ELOA2: variants seen among roughly 807,000 people sequenced by gnomAD.
ELOA2 encodes elongin A2, also known as elongin-A2.
For synonymous variants in ELOA2, 497 were observed against 398.8 expected (o/e 1.25, Z -2.94); for missense variants, 1,271 against 979.7 (o/e 1.30, Z -3.97).
chr18:47,035,385 A>T lies in ELOA2; in HGVS notation c.-121T>A. The T allele has an allele frequency of 1.3e-6, 2 of 1,536,696 alleles. No individual in the cohort carries two copies. Among genetic ancestry groups the T allele is most frequent in the African/African-American group, 1.4e-5 (1 of 72,722 alleles). ...CCGGTCGCCAGGCAGCGACCTCGGG[A>T]TGTGGAGTCACAGCCTGGAGCGAGC... On this transcript the variant is annotated 5_prime_UTR_variant, in exon 1 of 1. Coordinates refer to ENST00000332567, the MANE Select transcript of ELOA2 (RefSeq NM_016427.3).
rs202180726 is a variant in ELOA2, at chr18:47,034,747, G to A, written c.518C>T (p.Thr173Met). 6.2e-7 allele frequency: 1 copy of A among 1,612,818 alleles called. No individual in the cohort carries two copies. Among genetic ancestry groups the A allele is most frequent in the East Asian group, 2.2e-5 (1 of 44,862 alleles). The change falls in exon 1 of 1, where the codon ACG becomes ATG. Residue 173 changes from threonine to methionine, a missense_variant. Physicochemically the swap from Thr to Met is moderately conservative, Grantham distance 81. Transcript: ENST00000332567. ...GGGCATCCGGAGGGGAGCTGTGCGC[G>A]TTGGAGAGGCCCGATAGCGGCCGGA... Reference protein sequence around the residue: ...ADSGRYRASPTRTAPLRMPEG... With the variant: ...ADSGRYRASPMRTAPLRMPEG...
chr18:47,034,293 G>C lies in ELOA2; in HGVS notation c.972C>G (p.Asp324Glu), dbSNP rs1343862628. Residue 324 changes from aspartate to glutamate, a missense_variant, in exon 1 of 1, where the codon GAC becomes GAG. By Grantham distance (45) the Asp-to-Glu change is conservative. Transcript: ENST00000332567. The part of the protein sequence containing the change: ...NKKRPSLDGR[D>E]PGNGTHGLSP... ...ACAGGCCGTGTGTCCCATTTCCTGG[G>C]TCCCGGCCGTCTAGACTGGGCCTCT... is the stretch of plus-strand genomic sequence containing the variant. The C allele has an allele frequency of 6.2e-7, 1 of 1,613,610 alleles. No individual in the cohort carries two copies. Among genetic ancestry groups the C allele is most frequent in the East Asian group, 2.2e-5 (1 of 44,856 alleles).
At position 47,034,514 on chromosome 18, in the gene ELOA2, C is replaced by T. The variant is rs1341972663; in HGVS notation, c.751G>A (p.Glu251Lys). 2.2e-5 allele frequency: 36 copies of T among 1,614,096 alleles called. No individual in the cohort carries two copies. The highest frequency in any genetic ancestry group is 2.6e-5 in the Non-Finnish European group (31 of 1,180,038). The change falls in exon 1 of 1, where the codon GAG (glutamate) becomes AAG (lysine). Residue 251 changes from glutamate (E) to lysine (K), a missense_variant. Transcript: ENST00000332567. The stretch of plus-strand genomic sequence containing the variant: ...CTTAAGCAGGCCCCGCATGATTTCT[C>T]CCTGATCAAAGTAGGGGAGTGCCAA... ...GDWHSPTLIR[E>K]KSCGACLREE...
rs951561836 is a variant in ELOA2 at position 47,033,942 on chromosome 18, C to A, written c.1323G>T (p.Leu441=). 23 of 1,612,930 alleles carry A rather than the reference C, an allele frequency of 1.4e-5. No homozygotes were observed. Among genetic ancestry groups the A allele is most frequent in the Non-Finnish European group, 1.9e-5 (23 of 1,180,044 alleles). ...CGGCGGAATCAGCGCCGGCCGCCTG[C>A]AGCCTCTCTGACTGGCTTTCCTGGA... ...PPVQESQSER[L]QAAGADSAGP... The change falls in exon 1 of 1, where the codon CTG becomes CTT. Residue 441 remains leucine (L), a synonymous_variant. Transcript: ENST00000332567.
rs1269781716 is a variant in ELOA2 at position 47,033,084 on chromosome 18, G to T, written c.2181C>A (p.Thr727=). The T allele has an allele frequency of 6.2e-7, 1 of 1,614,138 alleles. No individual in the cohort carries two copies. The highest frequency in any genetic ancestry group is 1.3e-5 in the African/African-American group (1 of 75,074). Residue 727 remains threonine (T), a synonymous_variant, in exon 1 of 1, where the codon ACC becomes ACA. Coordinates refer to ENST00000332567, the MANE Select transcript of ELOA2 (RefSeq NM_016427.3). The part of the protein sequence containing the change: ...SNEHAAPAAK[T]RKQAAKKVAP... ...CCACTTTCTTGGCAGCCTGTTTCCG[G>T]GTTTTGGCCGCGGGCGCCGCGTGCT...
chr18:47,033,972 A>G lies in ELOA2; in HGVS notation c.1293T>C (p.Pro431=). ...TCTCTGACTGGCTTTCCTGGACAGGAGGCAATTTCTTAGCCGAATCCCAGG... is the reference window on the plus strand; with the variant it reads ...TCTCTGACTGGCTTTCCTGGACAGGGGGCAATTTCTTAGCCGAATCCCAGG... ...RESWDSAKKL[P]PVQESQSERL... is the part of the protein sequence containing the mutation. The change falls in exon 1 of 1, where the codon CCT becomes CCC. Residue 431 remains proline, a synonymous_variant. Transcript: ENST00000332567. The G allele has an allele frequency of 6.2e-7, 1 of 1,613,408 alleles. No individual in the cohort carries two copies. The highest frequency in any genetic ancestry group is 1.1e-5 in the South Asian group (1 of 91,034).
In ELOA2 at chr18:47,034,159, T is replaced by C; in HGVS notation, c.1106A>G (p.Glu369Gly). 1 of 1,614,188 alleles carries C rather than the reference T, an allele frequency of 6.2e-7. No homozygotes were observed. The highest frequency in any genetic ancestry group is 8.5e-7 in the Non-Finnish European group (1 of 1,180,042). Residue 369 changes from glutamate to glycine, a missense_variant, in exon 1 of 1, where the codon GAG becomes GGG. Physicochemically the swap from Glu to Gly is moderately conservative, Grantham distance 98. Transcript: ENST00000332567. ...TSVSSLSEVE[E>G]VDMAEEFEQP... ...CTCGAATTCCTCAGCCATATCTACC[T>C]CCTCCACCTCAGAGAGGGAGCTCAC...
Position 47,034,607 on chromosome 18 carries a change from C to G in ELOA2, c.658G>C (p.Val220Leu), listed in dbSNP as rs780602972. 6 of 1,614,050 alleles carry G rather than the reference C, an allele frequency of 3.7e-6. No homozygotes were observed. The highest frequency in any genetic ancestry group is 3.4e-6 in the Non-Finnish European group (4 of 1,179,996). The part of the protein sequence containing the change: ...GCQGQPQGKA[V>L]VSHSKGHKSS... ...TTGTGCCCCTTGCTGTGGCTCACAA[C>G]GGCTTTCCCCTGGGGTTGGCCCTGG... Residue 220 changes from valine (V) to leucine (L), a missense_variant, in exon 1 of 1, where the codon GTT becomes CTT. Coordinates refer to ENST00000332567, the MANE Select transcript of ELOA2 (RefSeq NM_016427.3).
rs769806807 is a variant in ELOA2 at position 47,033,114 on chromosome 18, G to C, written c.2151C>G (p.Ser717Arg). The change falls in exon 1 of 1, where the codon AGC (serine) becomes AGG (arginine). Residue 717 changes from serine to arginine, a missense_variant. Ser to Arg is a moderately radical substitution (Grantham distance 110, BLOSUM62 -1). Coordinates refer to ENST00000332567, the MANE Select transcript of ELOA2 (RefSeq NM_016427.3). ...EKRANPCLSS[S>R]NEHAAPAAKT... ...TGGCCGCGGGCGCCGCGTGCTCATT[G>C]CTGCTGCTCAGGCAGGGGTTGGCCC... The C allele has an allele frequency of 1.9e-6, 3 of 1,614,118 alleles. No homozygotes were observed. Among genetic ancestry groups the C allele is most frequent in the Admixed American group, 3.3e-5 (2 of 60,026 alleles).
Position 47,033,322 on chromosome 18 carries a change from G to A in ELOA2, c.1943C>T (p.Ala648Val), listed in dbSNP as rs771412944. 2 of 1,613,594 alleles carry A rather than the reference G, an allele frequency of 1.2e-6. No individual in the cohort carries two copies. Among genetic ancestry groups the A allele is most frequent in the African/African-American group, 2.7e-5 (2 of 74,904 alleles). ...CCTTGAAGTATCATAAGGCGTCTTGGCCACAGATTTGAAACAGATCATCTT... is the reference window on the plus strand; with the variant it reads ...CCTTGAAGTATCATAAGGCGTCTTGACCACAGATTTGAAACAGATCATCTT... ...EAKMICFKSV[A>V]KTPYDTSRRQ... is the part of the protein sequence containing the mutation. Residue 648 changes from alanine to valine, a missense_variant, in exon 1 of 1, where the codon GCC (alanine) becomes GTC (valine). Coordinates refer to ENST00000332567, the MANE Select transcript of ELOA2 (RefSeq NM_016427.3).
In ELOA2 at chr18:47,033,793, G is replaced by T; in HGVS notation, c.1472C>A (p.Ala491Glu). The T allele has an allele frequency of 1.2e-6, 2 of 1,614,230 alleles. No homozygotes were observed. Among genetic ancestry groups the T allele is most frequent in the Non-Finnish European group, 1.7e-6 (2 of 1,180,050 alleles). Residue 491 changes from alanine to glutamate, a missense_variant, in exon 1 of 1, where the codon GCA becomes GAA. Ala to Glu is a moderately radical substitution (Grantham distance 107). Transcript: ENST00000332567. Reference sequence around the variant, plus strand: ...CTCCCGGAACTTTGGTGAAGAGAGTGCTTCTGGCTTTGCCTGGGAGGTCAT... The same window carrying T: ...CTCCCGGAACTTTGGTGAAGAGAGTTCTTCTGGCTTTGCCTGGGAGGTCAT... ...DSMTSQAKPE[A>E]LSSPKFREEA...
chr18:47,034,356 ACTGT>A, the ELOA2 span: 4 of 1,613,666 alleles, frequency 2.5e-6, no homozygotes, highest in Non-Finnish European at 2.5e-6. Context: ...TCTTCTGGTG[ACTGT>A]CTGGAGCCTC....
At chr18:47,034,551 AC>A in the ELOA2 span, 4 of 1,614,220 alleles carry the variant, frequency 2.5e-6, no homozygotes, top group Non-Finnish European at 3.4e-6. Flanking sequence ...CTCCCTGGGC[AC>A]ACAAGGGGCG....
At position 47,033,125 on chromosome 18, in the gene ELOA2, G is replaced by C; in HGVS notation, c.2140C>G (p.Leu714Val). 6.2e-7 allele frequency: 1 copy of C among 1,614,110 alleles called. No homozygotes were observed. Among genetic ancestry groups the C allele is most frequent in the Non-Finnish European group, 8.5e-7 (1 of 1,180,052 alleles). ...WLPEKRANPCLSSSNEHAAPA... is the reference protein window; with the variant it reads ...WLPEKRANPCVSSSNEHAAPA... ...GCCGCGTGCTCATTGCTGCTGCTCA[G>C]GCAGGGGTTGGCCCGCTTCTCAGGG... The change falls in exon 1 of 1, where the codon CTG becomes GTG. Residue 714 changes from leucine (L) to valine (V), a missense_variant. Coordinates refer to ENST00000332567, the MANE Select transcript of ELOA2 (RefSeq NM_016427.3).
In ELOA2 at chr18:47,033,220, C is replaced by T. The variant is rs1296656495; in HGVS notation, c.2045G>A (p.Ser682Asn). 2 of 1,613,966 alleles carry T rather than the reference C, an allele frequency of 1.2e-6. No individual in the cohort carries two copies. The highest frequency in any genetic ancestry group is 1.7e-6 in the Non-Finnish European group (2 of 1,180,018). The change falls in exon 1 of 1, where the codon AGC becomes AAC. Residue 682 changes from serine to asparagine, a missense_variant. Coordinates refer to ENST00000332567, the MANE Select transcript of ELOA2 (RefSeq NM_016427.3). ...GCTGCTCTGGCTGGAGGGAGTGTGG[C>T]TGCTTCCCGCGGGCTTGGAGGCTGG... is the stretch of plus-strand genomic sequence containing the variant. ...IKPASKPAGS[S>N]HTPSSQSSSG...
In ELOA2 at chr18:47,032,899, AG is replaced by A. The variant is rs1476106106; in HGVS notation, c.*103del. ...AATTCAAAGGCTCAACTTTGCACCAAGTTAAAGGTTCTGGTGTCCATTGGAA... is the reference window on the plus strand; with the variant it reads ...AATTCAAAGGCTCAACTTTGCACCAATTAAAGGTTCTGGTGTCCATTGGAA... On this transcript the variant is annotated 3_prime_UTR_variant, in exon 1 of 1. Coordinates refer to ENST00000332567, the MANE Select transcript of ELOA2 (RefSeq NM_016427.3). The A allele has an allele frequency of 1.3e-6, 2 of 1,596,764 alleles. No individual in the cohort carries two copies. The highest frequency in any genetic ancestry group is 1.7e-5 in the Admixed American group (1 of 59,246).
At position 47,034,030 on chromosome 18, in the gene ELOA2, C is replaced by T; in HGVS notation, c.1235G>A (p.Arg412Lys). 3 of 1,614,204 alleles carry T rather than the reference C, an allele frequency of 1.9e-6. No individual in the cohort carries two copies. Among genetic ancestry groups the T allele is most frequent in the Non-Finnish European group, 2.5e-6 (3 of 1,180,034 alleles). ...AGTGCCCTTGGATTCGTTTGCTTTC[C>T]TTTGTTTATCTCCAAGTGCAGTGGT... The part of the protein sequence containing the change: ...SATTALGDKQ[R>K]KANESKGTRE... Residue 412 changes from arginine to lysine, a missense_variant, in exon 1 of 1, where the codon AGG (arginine) becomes AAG (lysine). Physicochemically the swap from Arg to Lys is conservative, Grantham distance 26. Coordinates refer to ENST00000332567, the MANE Select transcript of ELOA2 (RefSeq NM_016427.3).
In ELOA2 at chr18:47,035,380, T is replaced by C. The variant is rs538795164; in HGVS notation, c.-116A>G. ...GCTGCCCGGTCGCCAGGCAGCGACC[T>C]CGGGATGTGGAGTCACAGCCTGGAG... On this transcript the variant is annotated 5_prime_UTR_variant, in exon 1 of 1. Transcript: ENST00000332567. The C allele has an allele frequency of 4.1e-4, 635 of 1,547,246 alleles. No individual in the cohort carries two copies. In the South Asian group the frequency reaches 7.3e-3, roughly 18 times the overall value.
chr18:47,033,727 G>T lies in ELOA2; in HGVS notation c.1538C>A (p.Pro513Gln). Reference sequence around the variant, plus strand: ...GGCAGGCCTGGAGCCCGAGTACACCGGCATCTTAGCATTCACTCTGCGTCC... The same window carrying T: ...GGCAGGCCTGGAGCCCGAGTACACCTGCATCTTAGCATTCACTCTGCGTCC... ...FPGRRVNAKM[P>Q]VYSGSRPACQ... is the part of the protein sequence containing the mutation. Residue 513 changes from proline to glutamine, a missense_variant, in exon 1 of 1, where the codon CCG (proline) becomes CAG (glutamine). Coordinates refer to ENST00000332567, the MANE Select transcript of ELOA2 (RefSeq NM_016427.3). 1.2e-6 allele frequency: 2 copies of T among 1,614,160 alleles called. No homozygotes were observed. The highest frequency in any genetic ancestry group is 1.1e-5 in the South Asian group (1 of 91,084).
Sources: allele counts gnomAD v4.1 joint callset, GRCh38; gene constraint gnomAD v4.1.1; transcripts MANE v1.5; gene names NCBI Gene and HGNC (gene_info 2026-07-23, HGNC 2026-07-21).